NDST4: variants seen among roughly 807,000 people sequenced by gnomAD.
NDST4 encodes N-deacetylase and N-sulfotransferase 4, also known as N-heparan sulfate sulfotransferase 4.
Under a neutral mutation model 100.8 loss-of-function variants are expected in NDST4, and 63 were observed. That is an observed-to-expected ratio of 0.62 (90% CI 0.51 to 0.77). The LOEUF is 0.77. Among genes scored for constraint, NDST4 ranks in the 30% least tolerant of loss-of-function variants. The probability of loss-of-function intolerance (pLI) is 0.00; values close to 1 mark genes in which losing one functional copy is unlikely to be tolerated. For synonymous variants in NDST4, 377 were observed against 361.8 expected (o/e 1.04, Z -0.48); for missense variants, 943 against 1,018.4 (o/e 0.93, Z 1.01).
At chr4:114,865,442 G>T (rs192263238) in intron 7 of NDST4, among the ~76,000 whole-genome samples, 1 of 152,014 alleles carries the variant, frequency 6.6e-6, no homozygotes. Flanking sequence ...TGAATATCCT[G>T]GCAGGGAAAA....
chr4:114,945,208 C>CAAAAAAAAAAAA lies in NDST4; in HGVS notation c.1222-7717_1222-7706dup, dbSNP rs1173970826. ...GGACAACTAGAATGAAACTCCGTCT[C>CAAAAAAAAAAAA]AAAAAAAAAAAAAAAAAAAAAAAAA... is the stretch of plus-strand genomic sequence containing the variant. On this transcript the variant is annotated intron_variant, in intron 4 of 13. Transcript: ENST00000264363. Among the ~76,000 whole-genome samples, 13 of 53,776 alleles carry CAAAAAAAAAAAA rather than the reference C, an allele frequency of 2.4e-4. 1 individual carries two copies. Among genetic ancestry groups the CAAAAAAAAAAAA allele is most frequent in the Admixed American group, 9.0e-4 (3 of 3,350 alleles). 35.3% of individuals were successfully genotyped at this position (53,776 alleles called of 152,430 possible).
chr4:114,852,945 C>T (rs1223719732), intron 7 of NDST4, 124 bp from the exon 8 acceptor site: 1 of 562,626 alleles, frequency 1.8e-6, no homozygotes, highest in Non-Finnish European at 3.1e-6. Context: ...TTAGACCTCA[C>T]TCTCGTTCTC....
chr4:114,918,003 A>G (rs937567698), intron 6 of NDST4, among the ~76,000 whole-genome samples: 1 of 152,212 alleles, frequency 6.6e-6, no homozygotes, highest in Non-Finnish European at 1.5e-5. Context: ...GTGGATACTG[A>G]AGATGGCTTG....
At chr4:115,103,495 A>C (rs1729776459) in intron 1 of NDST4, among the ~76,000 whole-genome samples, 1 of 152,136 alleles carries the variant, frequency 6.6e-6, no homozygotes, top group South Asian at 2.1e-4. Flanking sequence ...TCAAATAGGA[A>C]ATACTGATAT....
chr4:114,978,616 T>G (rs1237839002), intron 2 of NDST4, among the ~76,000 whole-genome samples: 1 of 152,108 alleles, frequency 6.6e-6, no homozygotes, highest in Non-Finnish European at 1.5e-5. Flanking sequence ...TGCATTGAAC[T>G]AGTTGAACAT....
Position 114,970,580 on chromosome 4 carries a change from A to C in NDST4, c.1071T>G (p.Thr357=). The change falls in exon 4 of 14, where the codon ACT becomes ACG. Residue 357 remains threonine (T), a synonymous_variant. Coordinates refer to ENST00000264363, the MANE Select transcript of NDST4 (RefSeq NM_022569.3). The part of the protein sequence containing the change: ...GFSGKFYHTG[T]EEEDEGDDLL... ...GGTCATCTCCTTCATCTTCCTCTTC[A>C]GTCCCTTTAAAACATAAAGTTAAAA... 1 of 1,611,814 alleles carries C rather than the reference A, an allele frequency of 6.2e-7. No individual in the cohort carries two copies. Among genetic ancestry groups the C allele is most frequent in the Non-Finnish European group, 8.5e-7 (1 of 1,178,736 alleles).
At chr4:114,827,992 T>C (rs904690693) in intron 13 of NDST4, 57 bp from the exon 14 acceptor site, 2 of 1,496,710 alleles carry the variant, frequency 1.3e-6, no homozygotes, top group Non-Finnish European at 1.8e-6. Context: ...AAACAGGATA[T>C]TGTAATCTAT....
intron 2 of NDST4, among the ~76,000 whole-genome samples, chr4:114,986,793 C>CATAT (rs59806494): frequency 0.013 from 1,148 of 90,864 alleles, 18 homozygotes; most frequent in East Asian, 0.043. Flanking sequence ...TCCAATTATA[C>CATAT]ATATATATAT....
At chr4:115,075,987 T>C in intron 2 of NDST4, 72 bp downstream of exon 2, 1 of 1,478,602 alleles carries the variant, frequency 6.8e-7, no homozygotes. Context: ...TAATAATCTA[T>C]CATATTAGTA....
chr4:114,944,513 T>TAA (rs928319381), intron 4 of NDST4, among the ~76,000 whole-genome samples: 57 of 152,282 alleles, frequency 3.7e-4, no homozygotes, highest in African/African-American at 1.3e-3. Context: ...ATAGTCTTCT[T>TAA]AATAAATCCT....
intron 3 of NDST4, among the ~76,000 whole-genome samples, chr4:114,971,161 GC>G (rs1726506986): frequency 6.6e-6 from 1 of 151,900 alleles, no homozygotes; most frequent in African/African-American, 2.4e-5. Context: ...TTTAGCTCTT[GC>G]TGTACTAATA....
At chr4:114,880,118 C>A (rs572882321) in intron 6 of NDST4, among the ~76,000 whole-genome samples, 2 of 152,126 alleles carry the variant, frequency 1.3e-5, no homozygotes, top group East Asian at 3.8e-4. Flanking sequence ...ACAGAAGGCT[C>A]CTGCTATATT....
At chr4:115,095,249 C>T (rs1035242516) in intron 1 of NDST4, among the ~76,000 whole-genome samples, 1 of 152,124 alleles carries the variant, frequency 6.6e-6, no homozygotes, top group Non-Finnish European at 1.5e-5. Context: ...TTTCCTTATC[C>T]ACCTAGCTAA....
chr4:114,911,667 A>T (rs1329985382), intron 6 of NDST4, among the ~76,000 whole-genome samples: 1 of 152,204 alleles, frequency 6.6e-6, no homozygotes, highest in Non-Finnish European at 1.5e-5. Context: ...ACTCTTCCGT[A>T]GAAAAATGGA....
At chr4:115,102,884 T>C (rs1327303949) in intron 1 of NDST4, among the ~76,000 whole-genome samples, 1 of 151,842 alleles carries the variant, frequency 6.6e-6, no homozygotes, top group Non-Finnish European at 1.5e-5. Flanking sequence ...AATTTTTGTA[T>C]TTTTAGTAGA....
chr4:114,849,850 C>G (rs1220234259), intron 8 of NDST4, among the ~76,000 whole-genome samples: 1 of 152,162 alleles, frequency 6.6e-6, no homozygotes, highest in Non-Finnish European at 1.5e-5. Context: ...GGAGAAATCT[C>G]TCAACCACAC....
At chr4:114,870,096 G>C (rs988100363) in intron 7 of NDST4, among the ~76,000 whole-genome samples, 1 of 152,090 alleles carries the variant, frequency 6.6e-6, no homozygotes, top group African/African-American at 2.4e-5. Context: ...AAAGAGGCAA[G>C]AAAATGGGAG....
chr4:114,864,362 C>A (rs1723979732), intron 7 of NDST4, among the ~76,000 whole-genome samples: 1 of 152,188 alleles, frequency 6.6e-6, no homozygotes, highest in Non-Finnish European at 1.5e-5. Context: ...TAAAAGGCAT[C>A]TTTTAAAACA....
intron 4 of NDST4, among the ~76,000 whole-genome samples, chr4:114,961,196 C>A (rs1409396425): frequency 6.6e-6 from 1 of 151,488 alleles, no homozygotes; most frequent in Non-Finnish European, 1.5e-5. Context: ...GAGGAAGCAG[C>A]AAAATTAGTG....
Sources: allele counts gnomAD v4.1 joint callset (sites outside exome capture counted in the v4.1 genomes callset), GRCh38; gene constraint gnomAD v4.1.1; transcripts MANE v1.5; gene names NCBI Gene and HGNC (gene_info 2026-07-23, HGNC 2026-07-21).